TXNDC11: variants seen among roughly 807,000 people sequenced by gnomAD.
TXNDC11 encodes thioredoxin domain containing 11, also known as thioredoxin domain-containing protein 11.
A neutral mutation model predicts 78.0 loss-of-function variants in TXNDC11; 68 were observed. The ratio of observed to expected loss-of-function variants is 0.87; its 90% CI spans 0.72 to 1.07. TXNDC11 has a LOEUF of 1.07. TXNDC11 is among the 50% of genes least tolerant of loss of function. TXNDC11 has a pLI of 0.00. For missense variants in TXNDC11, 1,389 were observed against 1,221.8 expected, an observed-to-expected ratio of 1.14 and a Z score of -2.04; for synonymous variants, 571 against 495.2, an observed-to-expected ratio of 1.15 and a Z score of -2.03.
At chr16:11,718,606 C>G (rs948536220) in intron 5 of TXNDC11, among the ~76,000 whole-genome samples, 1 of 151,916 alleles carries the variant, frequency 6.6e-6, no homozygotes, top group African/African-American at 2.4e-5. Context: ...CCCCAGATGC[C>G]CAAGGCAAGA....
At chr16:11,721,364 C>A in intron 5 of TXNDC11, 2 of 303,358 alleles carry the variant, frequency 6.6e-6, no homozygotes, top group South Asian at 3.0e-5. Flanking sequence ...TCGCTTGAAC[C>A]CGGGAGGCAG....
intron 5 of TXNDC11, among the ~76,000 whole-genome samples, chr16:11,710,668 G>A (rs1369107883): frequency 2.0e-5 from 3 of 152,182 alleles, no homozygotes; most frequent in African/African-American, 4.8e-5. Context: ...TAGGCAACAT[G>A]GCAAAACCTC....
chr16:11,690,002 C>A (rs539659880), intron 8 of TXNDC11: 1 of 152,176 alleles, frequency 6.6e-6, no homozygotes, highest in Non-Finnish European at 1.5e-5. Flanking sequence ...AGCCTTTTCA[C>A]AAATGTGTCT....
At chr16:11,727,662 G>GC (rs200828850) in intron 4 of TXNDC11, among the ~76,000 whole-genome samples, 4,435 of 83,960 alleles carry the variant, frequency 0.053, 72 homozygotes, top group African/African-American at 0.067. Context: ...ATTTCCACCC[G>GC]CCCCCCCCAC....
chr16:11,731,931 G>T (rs1555489426), intron 3 of TXNDC11, among the ~76,000 whole-genome samples: 1 of 151,892 alleles, frequency 6.6e-6, no homozygotes, highest in Admixed American at 6.6e-5. Context: ...TTTAAAGGAA[G>T]AAATCAAAAA....
rs1203703376 is a variant in TXNDC11 at position 11,684,243 on chromosome 16, A to G, written c.2156T>C (p.Ile719Thr). 1.2e-6 allele frequency: 2 copies of G among 1,611,962 alleles called. No individual in the cohort carries two copies. Among genetic ancestry groups the G allele is most frequent in the Non-Finnish European group, 1.7e-6 (2 of 1,178,354 alleles). ...LPMDTFTVAR[I>T]DVSQNDLPWE... ...AGGAAGGTCATTCTGAGACACGTCAATCCTGGTAAAGGGAAAGAACAGAAA... is the reference window on the plus strand; with the variant it reads ...AGGAAGGTCATTCTGAGACACGTCAGTCCTGGTAAAGGGAAAGAACAGAAA... Residue 719 changes from isoleucine (I) to threonine (T), a missense_variant and splice_region_variant, in exon 11 of 12, where the codon ATT becomes ACT. Ile to Thr is a moderately conservative substitution (Grantham distance 89). Transcript: ENST00000283033.
At chr16:11,700,415 C>A in intron 6 of TXNDC11, 37 bp downstream of exon 6, 1 of 1,014,274 alleles carries the variant, frequency 9.9e-7, no homozygotes, top group Non-Finnish European at 1.5e-6. Flanking sequence ...GGTTAAGAAC[C>A]ACTGCGCTAA....
At chr16:11,681,015 T>TA (rs571981492) in intron 11 of TXNDC11, among the ~76,000 whole-genome samples, 8 of 151,048 alleles carry the variant, frequency 5.3e-5, no homozygotes, top group Non-Finnish European at 1.0e-4. Context: ...AAAAGTAAGA[T>TA]AAAAAAATTA....
chr16:11,683,144 G>C (rs2050472070), intron 11 of TXNDC11, among the ~76,000 whole-genome samples: 1 of 152,286 alleles, frequency 6.6e-6, no homozygotes, highest in Middle Eastern at 3.4e-3. Context: ...AGTGTATTAG[G>C]CTCTAAAGGA....
chr16:11,720,518 C>A (rs1229813447), intron 5 of TXNDC11, among the ~76,000 whole-genome samples: 2 of 150,116 alleles, frequency 1.3e-5, no homozygotes, highest in African/African-American at 4.9e-5. Flanking sequence ...CGGGTTCAAT[C>A]GATTCTCCTG....
intron 5 of TXNDC11, among the ~76,000 whole-genome samples, chr16:11,714,553 T>C (rs1220378657): frequency 6.6e-6 from 1 of 150,654 alleles, no homozygotes; most frequent in Non-Finnish European, 1.5e-5. Flanking sequence ...GGCAGGAAAA[T>C]GGCGTGAACC....
At chr16:11,691,130 T>C (rs1229633273) in intron 8 of TXNDC11, 160 bp downstream of exon 8, 2 of 631,158 alleles carry the variant, frequency 3.2e-6, no homozygotes, top group Admixed American at 6.4e-5. Context: ...CAAAATTAGC[T>C]TCTTTGAAAA....
At chr16:11,736,448 T>C (rs1369746988) in intron 1 of TXNDC11, among the ~76,000 whole-genome samples, 1 of 152,208 alleles carries the variant, frequency 6.6e-6, no homozygotes, top group African/African-American at 2.4e-5. Flanking sequence ...CCCCTAGGTG[T>C]AGGCTGGAAG....
intron 3 of TXNDC11, among the ~76,000 whole-genome samples, chr16:11,733,281 T>A (rs895080532): frequency 6.6e-6 from 1 of 151,022 alleles, no homozygotes; most frequent in Non-Finnish European, 1.5e-5. Context: ...TAAAATAAGA[T>A]AAAATAAAAC....
chr16:11,711,970 G>C (rs942567285), intron 5 of TXNDC11, among the ~76,000 whole-genome samples: 2 of 152,304 alleles, frequency 1.3e-5, no homozygotes, highest in African/African-American at 4.8e-5. Flanking sequence ...CCAGAACTGG[G>C]CTTGTCTGCA....
At chr16:11,681,177 C>T (rs1440037196) in intron 11 of TXNDC11, among the ~76,000 whole-genome samples, 4 of 152,112 alleles carry the variant, frequency 2.6e-5, no homozygotes, top group Admixed American at 2.6e-4. Context: ...GTCTCAAAAA[C>T]AGAAAACCAA....
chr16:11,683,734 T>G (rs918853686), intron 11 of TXNDC11, among the ~76,000 whole-genome samples: 68 of 150,606 alleles, frequency 4.5e-4, no homozygotes, highest in African/African-American at 1.5e-3. Flanking sequence ...AACCCTTTTA[T>G]GTCCCTAAGG....
chr16:11,719,986 G>T (rs2051654628), intron 5 of TXNDC11, among the ~76,000 whole-genome samples: 1 of 152,190 alleles, frequency 6.6e-6, no homozygotes, highest in South Asian at 2.1e-4. Context: ...TGAGGAAGGA[G>T]AAGCGAGTGG....
chr16:11,710,105 T>C (rs1417045551), intron 5 of TXNDC11, among the ~76,000 whole-genome samples: 2 of 151,956 alleles, frequency 1.3e-5, no homozygotes, highest in Non-Finnish European at 2.9e-5. Flanking sequence ...ATCACACCAC[T>C]GCACTCTAGA....
Sources: gnomAD v4.1 joint callset for allele counts (sites outside exome capture counted in the v4.1 genomes callset) on GRCh38, gnomAD v4.1.1 for gene constraint, MANE v1.5 for transcripts, NCBI Gene and HGNC (gene_info 2026-07-23, HGNC 2026-07-21) for gene names.